VSIG10: variants seen among roughly 807,000 people sequenced by gnomAD.
VSIG10 encodes the protein V-set and immunoglobulin domain containing 10, also known as V-set and immunoglobulin domain-containing protein 10.
In VSIG10, 48 loss-of-function variants were observed where a neutral mutation model predicts 58.7. That is an observed-to-expected ratio of 0.82 (90% confidence interval 0.65 to 1.04). VSIG10 has a LOEUF of 1.04. Ranked by LOEUF, VSIG10 falls within the 50% of genes least tolerant of loss-of-function variation. The pLI is 0.00. For synonymous variants in VSIG10, 260 were observed against 267.1 expected (o/e 0.97, Z 0.26); for missense variants, 628 against 670.0 (o/e 0.94, Z 0.69).
chr12:118,088,688 G>C (rs182754416), intron 2 of VSIG10, among the ~76,000 whole-genome samples: 2 of 152,172 alleles, frequency 1.3e-5, no homozygotes, highest in East Asian at 3.9e-4. Flanking sequence ...AGGCAGAGAG[G>C]AGTCTGCTGT....
At chr12:118,077,655 G>A (rs144972373) in intron 4 of VSIG10, among the ~76,000 whole-genome samples, 3 of 152,242 alleles carry the variant, frequency 2.0e-5, no homozygotes, top group Admixed American at 6.6e-5. Context: ...TGTAACTCCT[G>A]AGGCTAGGTC....
In VSIG10 at chr12:118,087,744, A is replaced by G. The variant is rs951690365; in HGVS notation, c.362-5315T>C. Among the ~76,000 whole-genome samples the G allele has an allele frequency of 3.3e-5, 5 of 150,822 alleles. No individual in the cohort carries two copies. The East Asian group carries it at 9.8e-4, about 30-fold the overall frequency. On this transcript the variant is annotated intron_variant, in intron 2 of 8. Transcript: ENST00000359236. ...TCTCAGCTACTCAGGACGGTGAGAT[A>G]AAAGAATCACTTGAGCCTAGGAATT...
chr12:118,068,717 TTGG>T, intron 7 of VSIG10, 120 bp from the exon 8 acceptor site: 1 of 1,268,456 alleles, frequency 7.9e-7, no homozygotes. Flanking sequence ...AAATTACAGC[TTGG>T]TGAAGTAATG....
intron 2 of VSIG10, among the ~76,000 whole-genome samples, chr12:118,090,342 A>C (rs2033257273): frequency 6.6e-6 from 1 of 152,208 alleles, no homozygotes; most frequent in African/African-American, 2.4e-5. Context: ...ATGTCAGTCA[A>C]ACTGGGCTAG....
At chr12:118,076,524 C>T (rs2032733887) in intron 4 of VSIG10, among the ~76,000 whole-genome samples, 1 of 152,130 alleles carries the variant, frequency 6.6e-6, no homozygotes, top group Non-Finnish European at 1.5e-5. Flanking sequence ...CAAACCATAT[C>T]ATGGTGTTTC....
chr12:118,077,234 T>A (rs2032765220), intron 4 of VSIG10, among the ~76,000 whole-genome samples: 1 of 152,146 alleles, frequency 6.6e-6, no homozygotes, highest in Admixed American at 6.6e-5. Flanking sequence ...CCTCAGGGCC[T>A]CTGCGTTTGC....
chr12:118,097,605 ACT>A (rs1228778561), intron 1 of VSIG10, among the ~76,000 whole-genome samples: 3 of 151,402 alleles, frequency 2.0e-5, no homozygotes, highest in East Asian at 1.9e-4. Context: ...ACGGGGCAAG[ACT>A]CTGTCTCAAA....
At chr12:118,076,886 T>C (rs1018736985) in intron 4 of VSIG10, among the ~76,000 whole-genome samples, 3 of 152,072 alleles carry the variant, frequency 2.0e-5, no homozygotes, top group South Asian at 4.2e-4. Flanking sequence ...CTCGAATTCC[T>C]AGCCGTAAGC....
At position 118,092,586 on chromosome 12, in the gene VSIG10, CTTTA is replaced by C. The variant is rs907993692; in HGVS notation, c.361+2943_361+2946del. 7.9e-5 allele frequency among the ~76,000 whole-genome samples: 12 copies of C among 151,800 alleles called. No homozygotes were observed. The South Asian group carries it at 8.3e-4, about 11-fold the overall frequency. On this transcript the variant is annotated intron_variant, in intron 2 of 8. Coordinates refer to ENST00000359236, the MANE Select transcript of VSIG10 (RefSeq NM_019086.6). ...TGAATGTGGCTATATTCCAATAAAACTTTATTTACGAACACCAACATTTCAATTT... is the reference window on the plus strand; with the variant it reads ...TGAATGTGGCTATATTCCAATAAAACTTTACGAACACCAACATTTCAATTT...
At chr12:118,103,283 T>C in intron 1 of VSIG10, 1 of 289,372 alleles carries the variant, frequency 3.5e-6, no homozygotes, top group Non-Finnish European at 6.4e-6. Flanking sequence ...AAAAAAAAAA[T>C]CACTTTCCCG....
At chr12:118,068,331 T>A (rs747077031) in intron 8 of VSIG10, 46 bp downstream of exon 8, 1 of 1,598,324 alleles carries the variant, frequency 6.3e-7, no homozygotes, top group Non-Finnish European at 8.5e-7. Flanking sequence ...CAACGCGCCT[T>A]TTTTTGTTTG....
Position 118,065,286 on chromosome 12 carries a change from T to C in VSIG10, c.*1353A>G, listed in dbSNP as rs1445733328. On this transcript the variant is annotated 3_prime_UTR_variant, in exon 9 of 9. Transcript: ENST00000359236. The stretch of plus-strand genomic sequence containing the variant: ...ATACTCCGTTATTAAACGTGTCTCC[T>C]GCCTTCTTTGAAAGCAACAGGAGAA... 1 of 152,264 alleles carries C rather than the reference T, an allele frequency of 6.6e-6. No homozygotes were observed. Among genetic ancestry groups the C allele is most frequent in the East Asian group, 1.9e-4 (1 of 5,194 alleles). The allele number at this position is 152,264 out of a possible 1,614,324, so 9.4% of individuals were successfully genotyped here. A position where few individuals can be genotyped will look rare whatever the true frequency, so the allele number is the denominator to read the frequency against.
chr12:118,079,470 C>T lies in VSIG10; in HGVS notation c.801G>A (p.Val267=), dbSNP rs79975193. 4.9e-3 allele frequency: 7,830 copies of T among 1,614,036 alleles called. 196 individuals are homozygous for T. In the East Asian group the frequency reaches 0.066, roughly 14 times the overall value. Residue 267 remains valine, a synonymous_variant, in exon 4 of 9, where the codon GTG becomes GTA. Transcript: ENST00000359236. ...TTTCCACCCCCAGCTTTGACTTCCC[C>T]ACGATTACACCTCCTGGCTCTTCTA... ...LWIEEPGGVI[V]GKSKLGVEML... is the part of the protein sequence containing the mutation.
rs185087461 is a variant in VSIG10, at chr12:118,079,983, G to A, written c.665-377C>T. Among the ~76,000 whole-genome samples, 260 of 152,160 alleles carry A rather than the reference G, an allele frequency of 1.7e-3. 1 individual carries two copies. The highest frequency in any genetic ancestry group is 5.1e-3 in the African/African-American group (210 of 41,540). On this transcript the variant is annotated intron_variant, in intron 3 of 8. Coordinates refer to ENST00000359236, the MANE Select transcript of VSIG10 (RefSeq NM_019086.6). Reference sequence around the variant, plus strand: ...CAAGTAGCTGGGATTACAGGCATGCGCCACCACGCCCTGCTTATTTTTATA... The same window carrying A: ...CAAGTAGCTGGGATTACAGGCATGCACCACCACGCCCTGCTTATTTTTATA...
chr12:118,095,439 A>C, intron 2 of VSIG10, 94 bp downstream of exon 2: 1 of 1,504,782 alleles, frequency 6.6e-7, no homozygotes, highest in Non-Finnish European at 9.0e-7. Context: ...TTTCCAGGCC[A>C]TCCGAACCCA....
chr12:118,074,638 C>T (rs2137863648), intron 4 of VSIG10, among the ~76,000 whole-genome samples: 1 of 152,152 alleles, frequency 6.6e-6, no homozygotes, highest in South Asian at 2.1e-4. Flanking sequence ...GCCACCACGC[C>T]CACCTAATTT....
chr12:118,101,333 G>A (rs2033617867), intron 1 of VSIG10, among the ~76,000 whole-genome samples: 1 of 152,270 alleles, frequency 6.6e-6, no homozygotes, highest in South Asian at 2.1e-4. Context: ...CTTTACTACT[G>A]AGAAAATTGA....
chr12:118,071,488 C>A lies in VSIG10; in HGVS notation c.1220-19G>T. ...AAAGGTTCTGTAAAGACAAATCACA[C>A]CATTGATTCTTCCATCAGATATGTG... is the stretch of plus-strand genomic sequence containing the variant. On this transcript the variant is annotated intron_variant, in intron 5 of 8. Coordinates refer to ENST00000359236, the MANE Select transcript of VSIG10 (RefSeq NM_019086.6). 6.2e-7 allele frequency: 1 copy of A among 1,600,948 alleles called. No homozygotes were observed. The highest frequency in any genetic ancestry group is 8.6e-7 in the Non-Finnish European group (1 of 1,168,058).
chr12:118,097,119 T>A (rs1250057229), intron 1 of VSIG10, among the ~76,000 whole-genome samples: 1 of 152,128 alleles, frequency 6.6e-6, no homozygotes, highest in South Asian at 2.1e-4. Context: ...CTGACAATAA[T>A]GAACTTGTAG....
Sources: gnomAD v4.1 joint callset for allele counts (sites outside exome capture counted in the v4.1 genomes callset) on GRCh38, gnomAD v4.1.1 for gene constraint, MANE v1.5 for transcripts, NCBI Gene and HGNC (gene_info 2026-07-23, HGNC 2026-07-21) for gene names.